Variants in NEDD4 observed in about 807,000 individuals in gnomAD.
NEDD4 encodes the protein NEDD4 E3 ubiquitin protein ligase, also known as E3 ubiquitin-protein ligase NEDD4.
A neutral mutation model predicts 144.9 loss-of-function variants in NEDD4; 99 were observed. The observed-to-expected ratio is 0.68, with a 90% confidence interval of 0.58 to 0.81. NEDD4 has a LOEUF of 0.81. Among genes scored for constraint, NEDD4 ranks in the 30% least tolerant of loss-of-function variants. The pLI, the probability that NEDD4 is intolerant of heterozygous loss-of-function variation, is 0.00. For synonymous variants in NEDD4, 318 were observed against 350.6 expected (o/e 0.91, Z 1.04); for missense variants, 985 against 1,065.9 (o/e 0.92, Z 1.06).
At chr15:55,944,185 T>C (rs756376024) in intron 4 of NEDD4, among the ~76,000 whole-genome samples, 13 of 152,320 alleles carry the variant, frequency 8.5e-5, no homozygotes, top group African/African-American at 2.4e-4. Flanking sequence ...GGATGGGGCA[T>C]TGCCTCACCT....
chr15:55,841,705 G>C (rs1304119718), intron 19 of NEDD4, among the ~76,000 whole-genome samples: 1 of 152,042 alleles, frequency 6.6e-6, no homozygotes, highest in Non-Finnish European at 1.5e-5. Flanking sequence ...CTGAGTAGCT[G>C]GGACTACAGG....
At position 55,903,845 on chromosome 15, in the gene NEDD4, C is replaced by CATAT. The variant is rs34829007; in HGVS notation, c.291+20797_291+20800dup. Among the ~76,000 whole-genome samples the CATAT allele has an allele frequency of 2.2e-3, 270 of 122,316 alleles. 1 individual carries two copies. The highest frequency in any genetic ancestry group is 4.9e-3 in the African/African-American group (156 of 31,824). 80.2% of individuals were successfully genotyped at this position (122,316 alleles called of 152,430 possible). On this transcript the variant is annotated intron_variant, in intron 5 of 28. Coordinates refer to ENST00000435532, the MANE Select transcript of NEDD4 (RefSeq NM_006154.4). Reference sequence around the variant, plus strand: ...ATCTCAAAAAAAAAAAAAAAACACACATATATATATATATATATATATACA... The same window carrying CATAT: ...ATCTCAAAAAAAAAAAAAAAACACACATATATATATATATATATATATATATACA...
At chr15:55,846,653 C>A (rs1462110406) in intron 18 of NEDD4, among the ~76,000 whole-genome samples, 4 of 152,144 alleles carry the variant, frequency 2.6e-5, no homozygotes, top group African/African-American at 9.7e-5. Context: ...ATTTCCTGAC[C>A]CACTCTTGCT....
intron 1 of NEDD4, among the ~76,000 whole-genome samples, chr15:55,982,331 C>T (rs186086411): frequency 3.9e-5 from 6 of 152,000 alleles, no homozygotes; most frequent in Middle Eastern, 3.4e-3. Context: ...GAATGTTCAC[C>T]GTAGGTTTAT....
intron 1 of NEDD4, among the ~76,000 whole-genome samples, chr15:55,986,665 T>C (rs540822060): frequency 8.1e-5 from 12 of 148,504 alleles, no homozygotes; most frequent in South Asian, 2.2e-4. Context: ...TCTTGACTCA[T>C]TGCAAGCTCT....
chr15:55,844,403 C>T (rs980504973), intron 18 of NEDD4, among the ~76,000 whole-genome samples: 2 of 151,880 alleles, frequency 1.3e-5, no homozygotes, highest in Non-Finnish European at 2.9e-5. Context: ...AGTTAAAGAC[C>T]CCTGGAATAG....
intron 1 of NEDD4, among the ~76,000 whole-genome samples, chr15:55,984,648 T>C (rs938924666): frequency 5.3e-5 from 8 of 152,346 alleles, no homozygotes; most frequent in African/African-American, 1.7e-4. Flanking sequence ...TGAGTTATAA[T>C]AATGGGCTAC....
chr15:55,897,781 T>C lies in NEDD4; in HGVS notation c.292-23773A>G, dbSNP rs1203923298. Among the ~76,000 whole-genome samples the C allele has an allele frequency of 2.0e-5, 3 of 152,188 alleles. No individual in the cohort carries two copies. The East Asian group carries it at 5.8e-4, about 29-fold the overall frequency. On this transcript the variant is annotated intron_variant, in intron 5 of 28. Transcript: ENST00000435532. ...TGTCTTTCCTGCCTCAGGGACTGAA[T>C]TGTGTTTGCTTCAAGTTGTGGCAAG...
Position 55,845,741 on chromosome 15 carries a change from G to A in NEDD4, c.1608+1228C>T, listed in dbSNP as rs553094436. 3.3e-5 allele frequency among the ~76,000 whole-genome samples: 5 copies of A among 151,070 alleles called. No homozygotes were observed. The South Asian group carries it at 1.0e-3, about 32-fold the overall frequency. On this transcript the variant is annotated intron_variant, in intron 18 of 28. Coordinates refer to ENST00000435532, the MANE Select transcript of NEDD4 (RefSeq NM_006154.4). ...ACATTTAAAATCCCAAAGTCTAGAA[G>A]TAGAAAACAAATTTCCAGGGAAATT... is the stretch of plus-strand genomic sequence containing the variant.
At chr15:55,854,546 C>T (rs1480206547) in intron 12 of NEDD4, among the ~76,000 whole-genome samples, 3 of 152,156 alleles carry the variant, frequency 2.0e-5, no homozygotes, top group South Asian at 2.1e-4. Context: ...AGTCCCTTTA[C>T]ACGAGATTTC....
chr15:55,860,972 AGTTTAAG>A (rs1283851180), intron 9 of NEDD4, among the ~76,000 whole-genome samples, 194 bp from the exon 10 acceptor site: 6 of 152,210 alleles, frequency 3.9e-5, no homozygotes, highest in Admixed American at 2.6e-4. Context: ...TACCTTACGG[AGTTTAAG>A]GTTTTGTGAA....
intron 2 of NEDD4, among the ~76,000 whole-genome samples, chr15:55,952,019 TA>T (rs761093380): frequency 1.7e-3 from 231 of 139,370 alleles, no homozygotes; most frequent in African/African-American, 1.6e-3. Flanking sequence ...TGCTTTCACT[TA>T]AAAAAAAAAA....
Position 55,840,590 on chromosome 15 carries a change from T to C in NEDD4, c.1960+16A>G, listed in dbSNP as rs767981566. 6.2e-7 allele frequency: 1 copy of C among 1,613,822 alleles called. No homozygotes were observed. The highest frequency in any genetic ancestry group is 1.1e-5 in the South Asian group (1 of 90,964). Reference sequence around the variant, plus strand: ...ACAGGTAATTATATTGTAAAAAGTTTATACTTAATACTAACCATCCAACAG... The same window carrying C: ...ACAGGTAATTATATTGTAAAAAGTTCATACTTAATACTAACCATCCAACAG... On this transcript the variant is annotated intron_variant, in intron 20 of 28. Transcript: ENST00000435532.
intron 4 of NEDD4, among the ~76,000 whole-genome samples, chr15:55,940,968 T>C (rs1320451236): frequency 2.0e-5 from 3 of 152,204 alleles, no homozygotes; most frequent in African/African-American, 7.2e-5. Flanking sequence ...TCTACTTATA[T>C]TGGTTTTAGT....
chr15:55,859,854 A>C (rs1328394863), intron 11 of NEDD4, among the ~76,000 whole-genome samples: 1 of 152,162 alleles, frequency 6.6e-6, no homozygotes, highest in East Asian at 1.9e-4. Context: ...CAAAACATGA[A>C]CATTGTCCAA....
chr15:55,893,093 C>T (rs1040145159), intron 5 of NEDD4, among the ~76,000 whole-genome samples: 3 of 152,004 alleles, frequency 2.0e-5, no homozygotes, highest in African/African-American at 4.8e-5. Flanking sequence ...TAATTGGATG[C>T]TACAGAAGGA....
intron 5 of NEDD4, chr15:55,915,582 T>C (rs373006751): frequency 6.2e-7 from 1 of 1,614,050 alleles, no homozygotes; most frequent in Non-Finnish European, 8.5e-7. Flanking sequence ...AGATGTCCTA[T>C]GCATGAGCTT....
chr15:55,924,475 G>T (rs76622553), intron 5 of NEDD4, 171 bp downstream of exon 5: 25,292 of 588,602 alleles, frequency 0.043, 687 homozygotes, highest in Non-Finnish European at 0.056. Flanking sequence ...AAGGGAGCGA[G>T]TAGGACCAGG....
intron 2 of NEDD4, among the ~76,000 whole-genome samples, chr15:55,953,669 T>A (rs1318074065): frequency 6.6e-6 from 1 of 152,160 alleles, no homozygotes. Context: ...CTCAAACTCT[T>A]GACCTCAGGT....
Sources: gnomAD v4.1 joint callset for allele counts (sites outside exome capture counted in the v4.1 genomes callset) on GRCh38, gnomAD v4.1.1 for gene constraint, MANE v1.5 for transcripts, NCBI Gene and HGNC (gene_info 2026-07-23, HGNC 2026-07-21) for gene names.